The following SUGCT variants were observed in gnomAD, a reference collection of about 807,000 sequenced individuals.
The protein encoded by SUGCT is succinyl-CoA:glutarate CoA-transferase.
In SUGCT, 41 loss-of-function variants were observed where a neutral mutation model predicts 55.0. The observed-to-expected ratio is 0.74, with a 90% CI of 0.58 to 0.97. The LOEUF (loss-of-function observed/expected upper bound fraction) is 0.97, where lower values mean the gene tolerates loss of function less well. Among genes scored for constraint, SUGCT ranks in the 50% least tolerant of loss-of-function variants. SUGCT has a pLI of 0.00. For missense variants in SUGCT, 568 were observed against 547.8 expected, an observed-to-expected ratio of 1.04 and a Z score of -0.37; for synonymous variants, 187 against 200.4, an observed-to-expected ratio of 0.93 and a Z score of 0.56.
intron 9 of SUGCT, among the ~76,000 whole-genome samples, chr7:40,414,024 T>C (rs1185632300): frequency 6.6e-6 from 1 of 152,202 alleles, no homozygotes; most frequent in Non-Finnish European, 1.5e-5. Context: ...GGACAATATA[T>C]TATTTCTCTG....
chr7:41,027,692 T>C, the SUGCT span, among the ~76,000 whole-genome samples: 1 of 152,198 alleles, frequency 6.6e-6, no homozygotes, highest in Non-Finnish European at 1.5e-5. Flanking sequence ...ATAAACCAGT[T>C]GTCTCATGTA....
At chr7:40,462,488 A>G (rs1789855561) in intron 11 of SUGCT, among the ~76,000 whole-genome samples, 1 of 152,148 alleles carries the variant, frequency 6.6e-6, no homozygotes, top group Non-Finnish European at 1.5e-5. Flanking sequence ...GCTTATTGCA[A>G]CTTTTTTCTA....
chr7:40,180,455 A>G (rs931300431), intron 1 of SUGCT, among the ~76,000 whole-genome samples: 5 of 151,248 alleles, frequency 3.3e-5, no homozygotes, highest in Admixed American at 3.3e-4. Flanking sequence ...AAATTGGCTC[A>G]TTTCAAGGAC....
chr7:40,677,321 T>C (rs1393179936), intron 12 of SUGCT, among the ~76,000 whole-genome samples: 1 of 151,488 alleles, frequency 6.6e-6, no homozygotes, highest in Non-Finnish European at 1.5e-5. Context: ...AACACTTAGC[T>C]AACAGTGGTA....
At chr7:40,460,310 A>C (rs1789721901) in intron 11 of SUGCT, among the ~76,000 whole-genome samples, 1 of 152,196 alleles carries the variant, frequency 6.6e-6, no homozygotes, top group Non-Finnish European at 1.5e-5. Flanking sequence ...TGTGGGACTG[A>C]TAGACACAGA....
chr7:40,760,825 T>G (rs1788491315), intron 13 of SUGCT, among the ~76,000 whole-genome samples: 1 of 151,968 alleles, frequency 6.6e-6, no homozygotes, highest in African/African-American at 2.4e-5. Flanking sequence ...AGTGGCAGCT[T>G]TCTTATCTGT....
chr7:41,014,876 A>G, the SUGCT span, among the ~76,000 whole-genome samples: 2 of 152,230 alleles, frequency 1.3e-5, no homozygotes, highest in South Asian at 4.1e-4. Flanking sequence ...TACAGTATCT[A>G]GATGAATAGG....
At chr7:40,291,975 T>C (rs374766440) in intron 8 of SUGCT, among the ~76,000 whole-genome samples, 3 of 152,198 alleles carry the variant, frequency 2.0e-5, no homozygotes, top group South Asian at 4.1e-4. Flanking sequence ...CATTAGCCCA[T>C]GCGGAGTGAT....
At chr7:40,364,945 C>A (rs998138345) in intron 9 of SUGCT, among the ~76,000 whole-genome samples, 1 of 152,048 alleles carries the variant, frequency 6.6e-6, no homozygotes, top group African/African-American at 2.4e-5. Flanking sequence ...CAAAGCCGGG[C>A]AGAGACACAA....
intron 8 of SUGCT, among the ~76,000 whole-genome samples, chr7:40,313,463 C>G (rs938257485): frequency 3.9e-5 from 6 of 152,258 alleles, no homozygotes; most frequent in African/African-American, 1.2e-4. Context: ...CCTTAAAATA[C>G]ATCCCTGTAA....
intron 13 of SUGCT, chr7:40,782,492 G>C (rs1486417216): frequency 6.6e-6 from 1 of 152,158 alleles, no homozygotes; most frequent in Non-Finnish European, 1.5e-5. Context: ...CTTGGGCTTT[G>C]TAAGTTTCTT....
intron 12 of SUGCT, among the ~76,000 whole-genome samples, chr7:40,692,409 G>C (rs574412024): frequency 6.6e-6 from 1 of 152,164 alleles, no homozygotes; most frequent in Non-Finnish European, 1.5e-5. Context: ...GCTACTTCAG[G>C]TTTAGGAAGT....
intron 1 of SUGCT, among the ~76,000 whole-genome samples, chr7:40,136,672 C>T (rs186328727): frequency 6.6e-6 from 1 of 152,150 alleles, no homozygotes; most frequent in Admixed American, 6.5e-5. Flanking sequence ...CTGTCCTGGC[C>T]AAAAATTCAC....
chr7:40,249,313 C>CTATCTATATCTATATATCTATATATA (rs1324264789), intron 7 of SUGCT, among the ~76,000 whole-genome samples: 72 of 79,484 alleles, frequency 9.1e-4, no homozygotes, highest in Admixed American at 2.1e-3. Context: ...CACCAAAAAG[C>CTATCTATATCTATATATCTATATATA]TATATATATA....
At chr7:40,951,943 G>A in the SUGCT span, among the ~76,000 whole-genome samples, 1 of 152,298 alleles carries the variant, frequency 6.6e-6, no homozygotes, top group Non-Finnish European at 1.5e-5. Flanking sequence ...ATTTTGGGTG[G>A]AGAGTTCTGT....
intron 12 of SUGCT, among the ~76,000 whole-genome samples, chr7:40,721,016 CAG>C (rs1314820457): frequency 6.6e-6 from 1 of 152,170 alleles, no homozygotes; most frequent in East Asian, 1.9e-4. Context: ...ATTGAGGAAA[CAG>C]AGTCTGGTCA....
chr7:41,014,665 G>A, the SUGCT span, among the ~76,000 whole-genome samples: 5 of 152,134 alleles, frequency 3.3e-5, no homozygotes, highest in Admixed American at 1.3e-4. Flanking sequence ...GAGCCAAGTC[G>A]TCAGTCTCAA....
intron 12 of SUGCT, among the ~76,000 whole-genome samples, chr7:40,641,383 T>C (rs1167769390): frequency 6.6e-6 from 1 of 152,194 alleles, no homozygotes; most frequent in African/African-American, 2.4e-5. Flanking sequence ...GAAGTTTGCA[T>C]TTAATGCCTG....
intron 12 of SUGCT, among the ~76,000 whole-genome samples, chr7:40,502,779 A>G (rs1246522812): frequency 6.6e-6 from 1 of 152,050 alleles, no homozygotes; most frequent in Non-Finnish European, 1.5e-5. Flanking sequence ...TTTGTTCTTC[A>G]CTTTATTCTC....
Sources: allele counts gnomAD v4.1 joint callset (sites outside exome capture counted in the v4.1 genomes callset), GRCh38; gene constraint gnomAD v4.1.1; transcripts MANE v1.5; gene names NCBI Gene and HGNC (gene_info 2026-07-23, HGNC 2026-07-21).